Variants in TNN observed in about 807,000 individuals in gnomAD.
TNN encodes the protein tenascin N, also known as tenascin-N.
A neutral mutation model predicts 134.4 loss-of-function variants in TNN; 122 were observed. The ratio of observed to expected loss-of-function variants is 0.91; its 90% CI spans 0.78 to 1.06. The LOEUF is 1.06. Ranked by LOEUF, TNN falls within the 50% of genes least tolerant of loss-of-function variation. TNN has a pLI of 0.00. For synonymous variants in TNN, 710 were observed against 670.3 expected (o/e 1.06, Z -0.91); for missense variants, 1,739 against 1,699.4 (o/e 1.02, Z -0.41).
chr1:175,144,390 A>C lies in TNN; in HGVS notation c.3599A>C (p.Asp1200Ala). 1 of 1,613,652 alleles carries C rather than the reference A, an allele frequency of 6.2e-7. No individual in the cohort carries two copies. Among genetic ancestry groups the C allele is most frequent in the South Asian group, 1.1e-5 (1 of 91,012 alleles). The change falls in exon 18 of 19, where the codon GAT becomes GCT. Residue 1200 changes from aspartate (D) to alanine (A), a missense_variant. Asp to Ala is a moderately radical substitution (Grantham distance 126). Coordinates refer to ENST00000239462, the MANE Select transcript of TNN (RefSeq NM_022093.2). The stretch of plus-strand genomic sequence containing the variant: ...CTCCGTCTCTTCTCTCCTGCAGGGG[A>C]TGCTCTTACTTACCACAATGGATGG... ...TVGKYRGTAG[D>A]ALTYHNGWKF...
chr1:175,127,090 G>C lies in TNN; in HGVS notation c.3045+5G>C. 1 of 1,611,770 alleles carries C rather than the reference G, an allele frequency of 6.2e-7. No homozygotes were observed. ...TTCCCAGATGGCACAGTTAAGGTAC[G>C]GGGATTCCTTGTCTTTTCTCCTGGT... On this transcript the variant is annotated splice_donor_5th_base_variant and intron_variant, in intron 13 of 18. Transcript: ENST00000239462.
At chr1:175,143,769 C>T (rs765405856) in intron 17 of TNN, among the ~76,000 whole-genome samples, 3 of 152,252 alleles carry the variant, frequency 2.0e-5, no homozygotes, top group Non-Finnish European at 2.9e-5. Context: ...TTCACCTCCA[C>T]GTGGTATGAA....
At position 175,102,075 on chromosome 1, in the gene TNN, A is replaced by G. The variant is rs111679123; in HGVS notation, c.2119+3480A>G. Among the ~76,000 whole-genome samples, 152 of 115,556 alleles carry G rather than the reference A, an allele frequency of 1.3e-3. 6 individuals carry two copies. Among genetic ancestry groups the G allele is most frequent in the South Asian group, 2.9e-3 (9 of 3,084 alleles). 75.8% of individuals were successfully genotyped at this position (115,556 alleles called of 152,430 possible). ...TTACAATCCCTGAGCTAGACATAAA[A>G]GTTCTCCAAGGCCCCACCAGAGCAG... On this transcript the variant is annotated intron_variant, in intron 9 of 18. Transcript: ENST00000239462.
intron 6 of TNN, among the ~76,000 whole-genome samples, chr1:175,089,708 CT>C (rs1357841998): frequency 6.6e-6 from 1 of 152,150 alleles, no homozygotes; most frequent in Non-Finnish European, 1.5e-5. Context: ...ACAAAGCATG[CT>C]TGCTTTGTTA....
chr1:175,139,889 T>C (rs536323579), intron 17 of TNN, among the ~76,000 whole-genome samples: 1 of 152,378 alleles, frequency 6.6e-6, no homozygotes, highest in African/African-American at 2.4e-5. Context: ...CTGTCGTATA[T>C]GCAGTCCCTT....
At chr1:175,145,056 T>C (rs1676030547) in intron 18 of TNN, among the ~76,000 whole-genome samples, 2 of 152,082 alleles carry the variant, frequency 1.3e-5, no homozygotes, top group South Asian at 4.2e-4. Context: ...GATCTCTTCT[T>C]CATATAGGGG....
At position 175,080,286 on chromosome 1, in the gene TNN, C is replaced by G; in HGVS notation, c.908C>G (p.Ser303Cys). The change falls in exon 4 of 19, where the codon TCT (serine) becomes TGT (cysteine). Residue 303 changes from serine (S) to cysteine (C), a missense_variant. Physicochemically the swap from Ser to Cys is moderately radical, Grantham distance 112. Transcript: ENST00000239462. ...LSYYPLGKEL[S>C]GKQIQVPKEQ... ...TACTACCCCCTGGGGAAGGAGCTCTCTGGGAAGCAGATCCAAGTGCCCAAG... is the reference window on the plus strand; with the variant it reads ...TACTACCCCCTGGGGAAGGAGCTCTGTGGGAAGCAGATCCAAGTGCCCAAG... 2 of 1,614,116 alleles carry G rather than the reference C, an allele frequency of 1.2e-6. No homozygotes were observed. The highest frequency in any genetic ancestry group is 1.7e-6 in the Non-Finnish European group (2 of 1,180,012).
In TNN at chr1:175,102,364, G is replaced by A. The variant is rs966731613; in HGVS notation, c.2119+3769G>A. ...CATGGAGCAGGGGATGGTATTCGTC[G>A]GGGAGGCTCGGGCTGCACAGGAACC... On this transcript the variant is annotated intron_variant, in intron 9 of 18. Coordinates refer to ENST00000239462, the MANE Select transcript of TNN (RefSeq NM_022093.2). Among the ~76,000 whole-genome samples the A allele has an allele frequency of 4.1e-5, 6 of 145,966 alleles. 1 individual carries two copies. Among genetic ancestry groups the A allele is most frequent in the Non-Finnish European group, 9.1e-5 (6 of 65,678 alleles).
At chr1:175,069,098 G>T (rs1469395372) in intron 1 of TNN, among the ~76,000 whole-genome samples, 1 of 152,066 alleles carries the variant, frequency 6.6e-6, no homozygotes, top group Non-Finnish European at 1.5e-5. Flanking sequence ...TTAAAAAAAA[G>T]AACAAGTTCC....
In TNN at chr1:175,123,439, C is replaced by T. The variant is rs756201027; in HGVS notation, c.2690C>T (p.Thr897Met). The T allele has an allele frequency of 1.7e-5, 27 of 1,614,054 alleles. No homozygotes were observed. Among genetic ancestry groups the T allele is most frequent in the African/African-American group, 8.0e-5 (6 of 74,918 alleles). ...AAAAACCTAGTGACTGACTGGGTGACGGAGAATATGGCCACTGTCTCCTGG... is the reference window on the plus strand; with the variant it reads ...AAAAACCTAGTGACTGACTGGGTGATGGAGAATATGGCCACTGTCTCCTGG... ...GPKNLVTDWV[T>M]ENMATVSWDP... The change falls in exon 12 of 19, where the codon ACG becomes ATG. Residue 897 changes from threonine to methionine, a missense_variant. Transcript: ENST00000239462.
intron 7 of TNN, among the ~76,000 whole-genome samples, chr1:175,095,917 CTTTTCTTAGGCGG>C (rs149007402): frequency 0.011 from 1,709 of 152,330 alleles, 27 homozygotes; most frequent in African/African-American, 0.039. Context: ...AGAACCTTCC[CTTTTCTTAGGCGG>C]TGGTGGTGTG....
chr1:175,085,077 A>C (rs959221200), intron 5 of TNN, among the ~76,000 whole-genome samples: 1 of 152,244 alleles, frequency 6.6e-6, no homozygotes, highest in Non-Finnish European at 1.5e-5. Flanking sequence ...CTGGGAGCAG[A>C]AACACATTTG....
intron 17 of TNN, among the ~76,000 whole-genome samples, chr1:175,141,600 A>G (rs768272720): frequency 6.6e-6 from 1 of 152,230 alleles, no homozygotes; most frequent in Non-Finnish European, 1.5e-5. Context: ...AGGTTCTGAC[A>G]CACACTACTG....
intron 15 of TNN, 31 bp downstream of exon 15, chr1:175,128,777 T>C (rs763355864): frequency 1.3e-6 from 2 of 1,580,504 alleles, no homozygotes; most frequent in Non-Finnish European, 1.7e-6. Flanking sequence ...GGGAGCTCTG[T>C]GTAGGGCCTT....
chr1:175,131,958 C>CACT (rs1675685552), intron 15 of TNN, among the ~76,000 whole-genome samples: 2 of 74,280 alleles, frequency 2.7e-5, no homozygotes, highest in African/African-American at 1.2e-4. Context: ...ACACACACAT[C>CACT]GCTGGAAAGC....
chr1:175,109,666 A>C (rs927171322), intron 9 of TNN, among the ~76,000 whole-genome samples: 1 of 148,632 alleles, frequency 6.7e-6, no homozygotes, highest in African/African-American at 2.5e-5. Flanking sequence ...ATATGTGTAT[A>C]TATATATTAT....
Position 175,128,732 on chromosome 1 carries a change from G to A in TNN, c.3316G>A (p.Gly1106Arg), listed in dbSNP as rs747972743. 6 of 1,613,060 alleles carry A rather than the reference G, an allele frequency of 3.7e-6. No homozygotes were observed. Among genetic ancestry groups the A allele is most frequent in the East Asian group, 2.2e-5 (1 of 44,838 alleles). ...LQVYCDMETD[G>R]GGWIVFQRRN... ...GGTGTACTGTGACATGGAAACGGACGGAGGTGGCTGGATTGTGAGTCACGC... is the reference window on the plus strand; with the variant it reads ...GGTGTACTGTGACATGGAAACGGACAGAGGTGGCTGGATTGTGAGTCACGC... The change falls in exon 15 of 19, where the codon GGA (glycine) becomes AGA (arginine). Residue 1106 changes from glycine to arginine, a missense_variant. Transcript: ENST00000239462.
chr1:175,129,380 C>T (rs1237420529), intron 15 of TNN, among the ~76,000 whole-genome samples: 1 of 151,950 alleles, frequency 6.6e-6, no homozygotes, highest in Admixed American at 6.6e-5. Flanking sequence ...CAAGTCCCAG[C>T]CTCATTGTCT....
chr1:175,137,195 T>A (rs747914438), intron 17 of TNN, among the ~76,000 whole-genome samples: 7 of 152,154 alleles, frequency 4.6e-5, no homozygotes, highest in Admixed American at 2.0e-4. Context: ...ATTGGAATTT[T>A]GTATGTTATA....
Sources: allele counts gnomAD v4.1 joint callset (sites outside exome capture counted in the v4.1 genomes callset), GRCh38; gene constraint gnomAD v4.1.1; transcripts MANE v1.5; gene names NCBI Gene and HGNC (gene_info 2026-07-23, HGNC 2026-07-21).